The following FSTL4 variants were observed in gnomAD, a reference collection of about 807,000 sequenced individuals.
FSTL4 encodes the protein follistatin-related protein 4.
FSTL4 carries 28 observed loss-of-function variants against 78.2 expected under a neutral mutation model. The ratio of observed to expected loss-of-function variants is 0.36; its 90% CI spans 0.27 to 0.49. The LOEUF is 0.49. Among genes scored for constraint, FSTL4 ranks in the 20% least tolerant of loss-of-function variants. The pLI is 0.98. For missense variants in FSTL4, 922 were observed against 1,084.9 expected, an observed-to-expected ratio of 0.85 and a Z score of 2.11; for synonymous variants, 422 against 440.5, an observed-to-expected ratio of 0.96 and a Z score of 0.53.
chr5:133,257,432 C>T (rs1028580301), intron 6 of FSTL4, among the ~76,000 whole-genome samples: 17 of 152,188 alleles, frequency 1.1e-4, no homozygotes, highest in Non-Finnish European at 2.5e-4. Flanking sequence ...CAGGAGGGGC[C>T]GGCCTGTGCA....
At chr5:133,209,083 G>T (rs1214101406) in intron 14 of FSTL4, among the ~76,000 whole-genome samples, 1 of 152,092 alleles carries the variant, frequency 6.6e-6, no homozygotes, top group African/African-American at 2.4e-5. Flanking sequence ...GGTATTTCTG[G>T]CAGCTGTATT....
intron 3 of FSTL4, among the ~76,000 whole-genome samples, chr5:133,437,247 T>C (rs1245343009): frequency 6.6e-6 from 1 of 152,174 alleles, no homozygotes; most frequent in Admixed American, 6.5e-5. Context: ...CTTTGTCAAG[T>C]AGGCAGTTGG....
At chr5:133,221,910 T>TTTTTTG (rs1561626799) in intron 11 of FSTL4, among the ~76,000 whole-genome samples, 24 of 115,260 alleles carry the variant, frequency 2.1e-4, no homozygotes, top group African/African-American at 1.0e-3. Flanking sequence ...TTTTTTTTTT[T>TTTTTTG]TTTTTTTTTT....
Position 133,226,060 on chromosome 5 carries a change from T to C in FSTL4, c.1016-241A>G, listed in dbSNP as rs1315230576. On this transcript the variant is annotated intron_variant, in intron 8 of 15. Coordinates refer to ENST00000265342, the MANE Select transcript of FSTL4 (RefSeq NM_015082.2). ...ACCCTATGACTCATGGCTTTCATCA[T>C]TATTCTAAATACGATCAGAAGGCCA... 1.1e-5 allele frequency: 4 copies of C among 358,186 alleles called. No individual in the cohort carries two copies. The East Asian group carries it at 1.7e-4, about 15-fold the overall frequency. The allele number at this position is 358,186 out of a possible 1,614,324, so 22.2% of individuals were successfully genotyped here.
chr5:133,393,615 A>G (rs1447615491), intron 4 of FSTL4, among the ~76,000 whole-genome samples: 1 of 152,242 alleles, frequency 6.6e-6, no homozygotes, highest in Non-Finnish European at 1.5e-5. Context: ...GGGACAGGAA[A>G]GGGAGTCTGG....
At chr5:133,765,999 C>T in the FSTL4 span, among the ~76,000 whole-genome samples, 71 of 152,172 alleles carry the variant, frequency 4.7e-4, no homozygotes, top group Middle Eastern at 3.4e-3. Flanking sequence ...TCAATCTCTC[C>T]GGCATATTTT....
chr5:133,553,949 G>C (rs1267054053), intron 3 of FSTL4, among the ~76,000 whole-genome samples: 2 of 152,172 alleles, frequency 1.3e-5, no homozygotes, highest in Admixed American at 6.5e-5. Context: ...TGAGAACTAA[G>C]AGCACTGGCT....
intron 3 of FSTL4, among the ~76,000 whole-genome samples, chr5:133,446,567 C>G (rs541337197): frequency 3.3e-5 from 5 of 152,202 alleles, no homozygotes; most frequent in Admixed American, 1.3e-4. Context: ...TGTTCTCTTT[C>G]GAGTGGTTCC....
the FSTL4 span, among the ~76,000 whole-genome samples, chr5:133,623,216 T>G: frequency 6.6e-6 from 1 of 152,030 alleles, no homozygotes; most frequent in Non-Finnish European, 1.5e-5. Context: ...AAAACAATCT[T>G]TTAATAGAAG....
Position 133,338,004 on chromosome 5 carries a change from G to A in FSTL4, c.410-21352C>T, listed in dbSNP as rs1202286653. ...CCTTAGATGAGGGGGTTTGGGTGGT[G>A]AGTATGCGTGCGGAGGGCTTCTGGC... On this transcript the variant is annotated intron_variant, in intron 4 of 15. Transcript: ENST00000265342. The surrounding 1 kb of genome is among the most constrained non-coding windows in gnomAD (Gnocchi z 4.0). Among the ~76,000 whole-genome samples the A allele has an allele frequency of 6.6e-6, 1 of 152,200 alleles. No individual in the cohort carries two copies. The highest frequency in any genetic ancestry group is 1.5e-5 in the Non-Finnish European group (1 of 68,022).
chr5:133,755,113 C>T, the FSTL4 span, among the ~76,000 whole-genome samples: 1 of 152,156 alleles, frequency 6.6e-6, no homozygotes, highest in Non-Finnish European at 1.5e-5. Context: ...TCGTTGCCAA[C>T]TCCATGGAAA....
the FSTL4 span, among the ~76,000 whole-genome samples, chr5:133,680,249 C>T: frequency 6.6e-6 from 1 of 152,206 alleles, no homozygotes; most frequent in Admixed American, 6.5e-5. Flanking sequence ...CTGAGACCTA[C>T]TATGAGGCCC....
At chr5:133,280,097 C>T (rs1277233000) in intron 6 of FSTL4, among the ~76,000 whole-genome samples, 1 of 152,184 alleles carries the variant, frequency 6.6e-6, no homozygotes. Context: ...CACACGTTTA[C>T]GTGGTTTAAA....
At chr5:133,282,868 C>A (rs1166204179) in intron 6 of FSTL4, among the ~76,000 whole-genome samples, 1 of 152,216 alleles carries the variant, frequency 6.6e-6, no homozygotes, top group Non-Finnish European at 1.5e-5. Flanking sequence ...GAGCAGAAGC[C>A]CCTTTCCCAG....
At chr5:133,467,017 CATGTGTGAGT>C (rs1757724590) in intron 3 of FSTL4, among the ~76,000 whole-genome samples, 1 of 150,782 alleles carries the variant, frequency 6.6e-6, no homozygotes, top group African/African-American at 2.4e-5. Context: ...AGTGTGTGAG[CATGTGTGAGT>C]GTATGTGAGA....
the FSTL4 span, among the ~76,000 whole-genome samples, chr5:133,624,512 G>A: frequency 6.6e-6 from 1 of 151,724 alleles, no homozygotes; most frequent in African/African-American, 2.4e-5. Flanking sequence ...CTAGCTAGAG[G>A]TGATGGTTGC....
chr5:133,790,755 C>T, the FSTL4 span, among the ~76,000 whole-genome samples: 4 of 152,276 alleles, frequency 2.6e-5, no homozygotes, highest in African/African-American at 4.8e-5. Flanking sequence ...TTTGATTCCC[C>T]GCTGTCTCTC....
At chr5:133,716,771 AAT>A in the FSTL4 span, among the ~76,000 whole-genome samples, 4 of 152,254 alleles carry the variant, frequency 2.6e-5, no homozygotes, top group African/African-American at 9.6e-5. Flanking sequence ...TGAGCAAAAC[AAT>A]AGTCTCTTAT....
the FSTL4 span, among the ~76,000 whole-genome samples, chr5:133,812,581 A>G: frequency 2.0e-5 from 3 of 152,096 alleles, no homozygotes; most frequent in African/African-American, 7.2e-5. Context: ...ATCTCAACTC[A>G]AGTATCATCT....
Sources: gnomAD v4.1 joint callset for allele counts (sites outside exome capture counted in the v4.1 genomes callset) on GRCh38, gnomAD v4.1.1 for gene constraint, Gnocchi (gnomAD v3.1) non-coding constraint, MANE v1.5 for transcripts, NCBI Gene and HGNC (gene_info 2026-07-23, HGNC 2026-07-21) for gene names.